Variants in DDX1 observed in about 807,000 individuals in gnomAD.
DDX1 encodes ATP-dependent RNA helicase DDX1.
Under a neutral mutation model 108.7 loss-of-function variants are expected in DDX1, and 28 were observed. That is an observed-to-expected ratio of 0.26 (90% CI 0.19 to 0.35). DDX1 has a LOEUF of 0.35. DDX1 is among the 10% of genes least tolerant of loss of function. DDX1 has a pLI of 1.00. For missense variants in DDX1, 710 were observed against 884.5 expected (o/e 0.80, Z 2.50); for synonymous variants, 295 against 288.9 (o/e 1.02, Z -0.21).
Position 15,605,990 on chromosome 2 carries a change from G to A in DDX1, c.666G>A (p.Met222Ile). Residue 222 changes from methionine (M) to isoleucine (I), a missense_variant, in exon 11 of 26, where the codon ATG (methionine) becomes ATA (isoleucine). Physicochemically the swap from Met to Ile is conservative, Grantham distance 10. Around this residue, in one of 3 missense-constraint regions of DDX1, gnomAD observed 661 missense variants for 810.2 expected, o/e 0.82. Coordinates refer to ENST00000233084, the MANE Select transcript of DDX1 (RefSeq NM_004939.3). Reference protein sequence around the residue: ...LGLAFEIPPHMKNQALFPACV... With the variant: ...LGLAFEIPPHIKNQALFPACV... ...TGGCATTTGAAATACCACCACATATGAAAAACCAAGCCCTCTTTCCTGCCT... is the reference window on the plus strand; with the variant it reads ...TGGCATTTGAAATACCACCACATATAAAAAACCAAGCCCTCTTTCCTGCCT... The A allele has an allele frequency of 6.3e-7, 1 of 1,585,532 alleles. No homozygotes were observed. The highest frequency in any genetic ancestry group is 8.5e-7 in the Non-Finnish European group (1 of 1,170,562).
At chr2:15,598,158 A>G (rs1277241799) in intron 5 of DDX1, among the ~76,000 whole-genome samples, 5 of 152,166 alleles carry the variant, frequency 3.3e-5, no homozygotes, top group African/African-American at 1.2e-4. Context: ...TTGTTTCATT[A>G]TACAAAACAG....
chr2:15,614,282 A>T (rs1665856592), intron 14 of DDX1, among the ~76,000 whole-genome samples: 1 of 152,220 alleles, frequency 6.6e-6, no homozygotes, highest in Non-Finnish European at 1.5e-5. Flanking sequence ...GAGTCATGAC[A>T]AGCAATTGTG....
At chr2:15,620,461 G>C in intron 17 of DDX1, 65 bp downstream of exon 17, 1 of 1,262,152 alleles carries the variant, frequency 7.9e-7, no homozygotes, top group Non-Finnish European at 1.1e-6. Context: ...GTCAGCCTTG[G>C]GCTCTTAGTG....
At chr2:15,607,937 T>C (rs1665690971) in intron 13 of DDX1, among the ~76,000 whole-genome samples, 2 of 152,188 alleles carry the variant, frequency 1.3e-5, no homozygotes, top group Admixed American at 1.3e-4. Context: ...TGCCACTCTA[T>C]TTCTAGCATG....
chr2:15,593,480 ATTATAC>A (rs766818636), intron 1 of DDX1, among the ~76,000 whole-genome samples: 1 of 152,222 alleles, frequency 6.6e-6, no homozygotes, highest in Admixed American at 6.5e-5. Flanking sequence ...TGTTAAAAGT[ATTATAC>A]TTAAGGTCCG....
chr2:15,603,945 T>A, intron 9 of DDX1, 55 bp downstream of exon 9: 1 of 1,129,762 alleles, frequency 8.9e-7, no homozygotes, highest in Non-Finnish European at 1.3e-6. Context: ...CTTGCATACT[T>A]AATCACTCAT....
At chr2:15,630,169 C>T (rs77816897) in intron 25 of DDX1, 59 bp downstream of exon 25, 68,522 of 1,566,378 alleles carry the variant, frequency 0.044, 1,734 homozygotes, top group Admixed American at 0.078. Context: ...TTTTGAACTT[C>T]GGTTTGGGAA....
In DDX1 at chr2:15,603,193, G is replaced by C; in HGVS notation, c.393G>C (p.Gly131=). Residue 131 remains glycine, a splice_region_variant and synonymous_variant, in exon 8 of 26, where the codon GGG becomes GGC. Coordinates refer to ENST00000233084, the MANE Select transcript of DDX1 (RefSeq NM_004939.3). The part of the protein sequence containing the change: ...GCRATKGLMK[G]KHYYEVSCHD... ...TCTCAATGTATTTTACCCTTGTAGG[G>C]AAACACTACTATGAAGTATCCTGTC... 1 of 1,606,728 alleles carries C rather than the reference G, an allele frequency of 6.2e-7. No homozygotes were observed. Among genetic ancestry groups the C allele is most frequent in the Non-Finnish European group, 8.5e-7 (1 of 1,175,486 alleles).
intron 14 of DDX1, among the ~76,000 whole-genome samples, chr2:15,614,926 T>G (rs1331042802): frequency 6.6e-6 from 1 of 152,242 alleles, no homozygotes; most frequent in Non-Finnish European, 1.5e-5. Context: ...TCCTAAAGCT[T>G]ATAGAGCTTT....
rs573903316 is a variant in DDX1 at position 15,630,434 on chromosome 2, T to C, written c.2092+324T>C. 2.0e-5 allele frequency among the ~76,000 whole-genome samples: 3 copies of C among 152,334 alleles called. No individual in the cohort carries two copies. The East Asian group carries it at 5.8e-4, about 29-fold the overall frequency. ...TTTTGAACAAGGAATCAGAAGCCTTTGACTTAACTCAGGTGGTAATTCAGC... is the reference window on the plus strand; with the variant it reads ...TTTTGAACAAGGAATCAGAAGCCTTCGACTTAACTCAGGTGGTAATTCAGC... On this transcript the variant is annotated intron_variant, in intron 25 of 25. Transcript: ENST00000233084.
rs1353783376 is a variant in DDX1, at chr2:15,594,996, T to G, written c.17-149T>G. The G allele has an allele frequency of 5.5e-6, 3 of 543,674 alleles. No homozygotes were observed. In the African/African-American group the frequency reaches 5.9e-5, roughly 11 times the overall value. 33.7% of individuals were successfully genotyped at this position (543,674 alleles called of 1,614,324 possible). A position where few individuals can be genotyped will look rare whatever the true frequency, so the allele number is the denominator to read the frequency against. On this transcript the variant is annotated intron_variant, in intron 1 of 25. Transcript: ENST00000233084. The stretch of plus-strand genomic sequence containing the variant: ...AACTCAGGTCTTTCTCCAGAACTTG[T>G]GCTCTTTCAACAGTGCCACGCTCAG...
intron 13 of DDX1, among the ~76,000 whole-genome samples, chr2:15,612,064 G>T (rs1331864342): frequency 3.4e-5 from 1 of 29,504 alleles, no homozygotes; most frequent in African/African-American, 1.8e-4. Flanking sequence ...CTCTCCTCCC[G>T]GAGGGGGCGG....
intron 23 of DDX1, 119 bp from the exon 24 acceptor site, chr2:15,629,483 C>T (rs807635): frequency 0.15 from 103,302 of 668,938 alleles, 9,484 homozygotes; most frequent in East Asian, 0.37. Context: ...TATATCATAC[C>T]TATAATCTAT....
chr2:15,607,248 G>C lies in DDX1; in HGVS notation c.891G>C (p.Glu297Asp), dbSNP rs150126532. 1 of 1,613,484 alleles carries C rather than the reference G, an allele frequency of 6.2e-7. No individual in the cohort carries two copies. Among genetic ancestry groups the C allele is most frequent in the African/African-American group, 1.3e-5 (1 of 74,894 alleles). Residue 297 changes from glutamate to aspartate, a missense_variant, in exon 13 of 26, where the codon GAG becomes GAC. Physicochemically the swap from Glu to Asp is conservative, Grantham distance 45. Coordinates refer to ENST00000233084, the MANE Select transcript of DDX1 (RefSeq NM_004939.3). Reference protein sequence around the residue: ...PKALIVEPSRELAEQTLNNIK... With the variant: ...PKALIVEPSRDLAEQTLNNIK... Reference sequence around the variant, plus strand: ...CTCTCATTGTTGAACCTTCCCGGGAGTTAGCTGAACAAACTTTGAACAACA... The same window carrying C: ...CTCTCATTGTTGAACCTTCCCGGGACTTAGCTGAACAAACTTTGAACAACA...
Position 15,602,621 on chromosome 2 carries a change from A to C in DDX1, c.381A>C (p.Gly127=). The C allele has an allele frequency of 6.2e-7, 1 of 1,609,824 alleles. No individual in the cohort carries two copies. The highest frequency in any genetic ancestry group is 8.5e-7 in the Non-Finnish European group (1 of 1,176,238). Residue 127 remains glycine (G), a synonymous_variant, in exon 7 of 26, where the codon GGA becomes GGC. Transcript: ENST00000233084. The stretch of plus-strand genomic sequence containing the variant: ...GGCATGGGTGTAGAGCTACTAAAGG[A>C]TTAATGAAAGGTATTTGAACAGCAT... ...KEWHGCRATK[G]LMKGKHYYEV...
intron 5 of DDX1, among the ~76,000 whole-genome samples, chr2:15,599,345 C>T (rs537532259): frequency 4.0e-5 from 6 of 151,690 alleles, no homozygotes; most frequent in Admixed American, 1.3e-4. Flanking sequence ...CTCGCTCTGT[C>T]GCCCAGGCTG....
chr2:15,595,243 T>A, intron 2 of DDX1, 47 bp downstream of exon 2: 1 of 1,428,216 alleles, frequency 7.0e-7, no homozygotes, highest in South Asian at 1.2e-5. Context: ...TGTTTTATAA[T>A]TTAAACAGTT....
chr2:15,630,969 G>GT lies in DDX1; in HGVS notation c.*65dup. The GT allele has an allele frequency of 6.6e-7, 1 of 1,510,208 alleles. No individual in the cohort carries two copies. The highest frequency in any genetic ancestry group is 9.1e-7 in the Non-Finnish European group (1 of 1,096,496). 93.6% of individuals were successfully genotyped at this position (1,510,208 alleles called of 1,614,324 possible). A position where few individuals can be genotyped will look rare whatever the true frequency, so the allele number is the denominator to read the frequency against. Reference sequence around the variant, plus strand: ...TCTGTAGTCTTAAAACTCTAAAACAGTTGTACTGCTTCCAAGCAGCAGTAT... The same window carrying GT: ...TCTGTAGTCTTAAAACTCTAAAACAGTTTGTACTGCTTCCAAGCAGCAGTAT... On this transcript the variant is annotated 3_prime_UTR_variant, in exon 26 of 26. Transcript: ENST00000233084.
chr2:15,604,857 G>C (rs954699375), intron 10 of DDX1, among the ~76,000 whole-genome samples: 1 of 152,118 alleles, frequency 6.6e-6, no homozygotes, highest in Non-Finnish European at 1.5e-5. Context: ...CAGTCAAAAG[G>C]CTTGATAAGG....
Sources: gnomAD v4.1 joint callset for allele counts (sites outside exome capture counted in the v4.1 genomes callset) on GRCh38, gnomAD v4.1.1 for gene constraint, gnomAD v4.1.1 regional missense constraint, MANE v1.5 for transcripts, NCBI Gene and HGNC (gene_info 2026-07-23, HGNC 2026-07-21) for gene names.